The following CLOCK variants were observed in gnomAD, a reference collection of about 807,000 sequenced individuals.
CLOCK encodes the protein clock circadian regulator, also known as circadian locomoter output cycles protein kaput.
CLOCK carries 43 observed loss-of-function variants against 118.4 expected under a neutral mutation model. That is an observed-to-expected ratio of 0.36 (90% CI 0.28 to 0.47). The LOEUF is 0.47. Among genes scored for constraint, CLOCK ranks in the 20% least tolerant of loss-of-function variants. The probability of loss-of-function intolerance (pLI) is 1.00; values close to 1 mark genes in which losing one functional copy is unlikely to be tolerated. For missense variants in CLOCK, 846 were observed against 999.9 expected (o/e 0.85, Z 2.08); for synonymous variants, 326 against 339.2 (o/e 0.96, Z 0.43).
intron 2 of CLOCK, among the ~76,000 whole-genome samples, chr4:55,502,429 A>G (rs903693830): frequency 4.6e-5 from 7 of 152,216 alleles, no homozygotes; most frequent in Non-Finnish European, 1.0e-4. Flanking sequence ...CATTACAACA[A>G]AAGTACTACT....
At chr4:55,540,466 G>C (rs747195726) in intron 1 of CLOCK, 1 of 152,098 alleles carries the variant, frequency 6.6e-6, no homozygotes, top group Non-Finnish European at 1.5e-5. Flanking sequence ...CAAATGATAA[G>C]TTCTTAGCTA....
intron 1 of CLOCK, chr4:55,545,352 T>C (rs757339437): frequency 1.3e-5 from 2 of 152,168 alleles, no homozygotes; most frequent in Non-Finnish European, 2.9e-5. Context: ...TTACATCCTT[T>C]TAAGAATGTT....
At chr4:55,525,978 T>G (rs1730160025) in intron 1 of CLOCK, among the ~76,000 whole-genome samples, 1 of 152,098 alleles carries the variant, frequency 6.6e-6, no homozygotes, top group South Asian at 2.1e-4. Flanking sequence ...ATCCAGAATC[T>G]GAAATGCTCC....
intron 13 of CLOCK, 136 bp from the exon 14 acceptor site, chr4:55,453,960 T>C: frequency 1.5e-6 from 1 of 666,830 alleles, no homozygotes; most frequent in Non-Finnish European, 2.5e-6. Flanking sequence ...TATATGTCAA[T>C]ATGAAAATGT....
chr4:55,448,829 G>T lies in CLOCK; in HGVS notation c.1489C>A (p.Pro497Thr). The change falls in exon 18 of 23, where the codon CCA becomes ACA. Residue 497 changes from proline (P) to threonine (T), a missense_variant. Coordinates refer to ENST00000513440, the MANE Select transcript of CLOCK (RefSeq NM_004898.4). ...SQSVGSSLTQ[P>T]VMSQATNLPI... ...AAATTTGTAGCTTGAGACATCACTGGCTGTGTTAATGATGAACCAACAGAC... is the reference window on the plus strand; with the variant it reads ...AAATTTGTAGCTTGAGACATCACTGTCTGTGTTAATGATGAACCAACAGAC... 1 of 1,613,898 alleles carries T rather than the reference G, an allele frequency of 6.2e-7. No homozygotes were observed. Among genetic ancestry groups the T allele is most frequent in the South Asian group, 1.1e-5 (1 of 91,076 alleles).
intron 1 of CLOCK, among the ~76,000 whole-genome samples, chr4:55,533,138 A>G (rs1730665151): frequency 6.6e-6 from 1 of 152,158 alleles, no homozygotes; most frequent in South Asian, 2.1e-4. Flanking sequence ...TAAAATTCAT[A>G]CAGAATCTCA....
chr4:55,475,617 C>G (rs1726460130), intron 7 of CLOCK, among the ~76,000 whole-genome samples: 1 of 152,202 alleles, frequency 6.6e-6, no homozygotes. Flanking sequence ...CAACCTTCAG[C>G]AACCACCACC....
intron 1 of CLOCK, among the ~76,000 whole-genome samples, chr4:55,524,160 G>A (rs139931731): frequency 0.013 from 1,942 of 151,992 alleles, 30 homozygotes; most frequent in Middle Eastern, 0.024. Flanking sequence ...AGGCTGAGGC[G>A]GGCGGATCAC....
chr4:55,459,307 CAAT>C (rs1725149087), intron 9 of CLOCK, 46 bp from the exon 10 acceptor site: 1 of 1,131,316 alleles, frequency 8.8e-7, no homozygotes, highest in Non-Finnish European at 1.3e-6. Context: ...TGATATAAAA[CAAT>C]GATTGATATA....
intron 1 of CLOCK, among the ~76,000 whole-genome samples, chr4:55,516,970 T>C (rs1729554489): frequency 6.6e-6 from 1 of 152,216 alleles, no homozygotes; most frequent in Non-Finnish European, 1.5e-5. Context: ...ATAATCCTAA[T>C]ACCTCCCTCC....
At chr4:55,467,192 A>C (rs749806615) in intron 8 of CLOCK, among the ~76,000 whole-genome samples, 3 of 152,208 alleles carry the variant, frequency 2.0e-5, no homozygotes, top group Non-Finnish European at 4.4e-5. Flanking sequence ...AATTCCAATG[A>C]GATCTATCAC....
At chr4:55,488,823 C>A (rs1311209945) in intron 3 of CLOCK, among the ~76,000 whole-genome samples, 3 of 152,154 alleles carry the variant, frequency 2.0e-5, no homozygotes, top group Non-Finnish European at 2.9e-5. Flanking sequence ...GTAGCGTCAA[C>A]CTCCTAGGCT....
chr4:55,523,136 A>AT (rs1729949676), intron 1 of CLOCK, among the ~76,000 whole-genome samples: 1 of 120,724 alleles, frequency 8.3e-6, no homozygotes, highest in African/African-American at 4.1e-5. Context: ...TCTACTAAAA[A>AT]TTAAAAAAAA....
At chr4:55,534,775 T>TAAG (rs75144451) in intron 1 of CLOCK, among the ~76,000 whole-genome samples, 62,822 of 151,628 alleles carry the variant, frequency 0.41, 14,572 homozygotes, top group African/African-American at 0.63. Flanking sequence ...TTCAAAGCAC[T>TAAG]ACTGAGAAAA....
chr4:55,445,563 C>CATCTGCT (rs1723740421), intron 18 of CLOCK, among the ~76,000 whole-genome samples: 1 of 129,436 alleles, frequency 7.7e-6, no homozygotes, highest in Admixed American at 8.5e-5. Context: ...TTGCTCTCTG[C>CATCTGCT]ATCTGCTATT....
chr4:55,454,900 T>G (rs2412648), intron 13 of CLOCK, among the ~76,000 whole-genome samples: 44,490 of 127,828 alleles, frequency 0.35, 7,290 homozygotes, highest in East Asian at 0.63. Context: ...AAGGAGGAAA[T>G]CAAGGTCTAC....
chr4:55,435,916 ATT>A (rs1722842832), intron 22 of CLOCK, among the ~76,000 whole-genome samples: 1 of 152,204 alleles, frequency 6.6e-6, no homozygotes, highest in East Asian at 1.9e-4. Flanking sequence ...AAATTACAAA[ATT>A]TGAGCATAGT....
chr4:55,459,549 C>T (rs1725174592), intron 9 of CLOCK, among the ~76,000 whole-genome samples: 1 of 152,226 alleles, frequency 6.6e-6, no homozygotes, highest in Admixed American at 6.5e-5. Flanking sequence ...AGTTTTGCTT[C>T]ACATTCTAAA....
At chr4:55,466,624 T>C (rs553480955) in intron 8 of CLOCK, among the ~76,000 whole-genome samples, 3 of 152,232 alleles carry the variant, frequency 2.0e-5, no homozygotes, top group Non-Finnish European at 4.4e-5. Context: ...GGATGTTTCA[T>C]ATTCATAGAG....
Sources: allele counts gnomAD v4.1 joint callset (sites outside exome capture counted in the v4.1 genomes callset), GRCh38; gene constraint gnomAD v4.1.1; transcripts MANE v1.5; gene names NCBI Gene and HGNC (gene_info 2026-07-23, HGNC 2026-07-21).